The following PRH1 variants were observed in gnomAD, a reference collection of about 807,000 sequenced individuals.
PRH1 encodes proline rich protein HaeIII subfamily 1.
A neutral mutation model predicts 7.9 loss-of-function variants in PRH1; 7 were observed. The ratio of observed to expected loss-of-function variants is 0.89; its 90% confidence interval spans 0.50 to 1.67. The LOEUF (loss-of-function observed/expected upper bound fraction) is 1.67, where lower values mean the gene tolerates loss of function less well. Among genes scored for constraint, PRH1 ranks in the 40% most tolerant of loss-of-function variants. The pLI is 0.00. For missense variants in PRH1, 109 were observed against 223.6 expected, an observed-to-expected ratio of 0.49 and a Z score of 3.27; for synonymous variants, 45 against 80.8, an observed-to-expected ratio of 0.56 and a Z score of 2.38.
At chr12:10,959,036 T>C (rs1159118766) in intron 2 of PRH1, among the ~76,000 whole-genome samples, 1 of 152,194 alleles carries the variant, frequency 6.6e-6, no homozygotes, top group Non-Finnish European at 1.5e-5. Flanking sequence ...TGGCAAGATA[T>C]GCAGCAGTTT....
intron 1 of PRH1, among the ~76,000 whole-genome samples, chr12:10,988,847 C>T (rs1389192027): frequency 1.3e-5 from 2 of 152,086 alleles, no homozygotes; most frequent in South Asian, 4.1e-4. Flanking sequence ...CGCTCTATCA[C>T]CCAGGCAGGA....
chr12:11,161,468 T>C (rs529277653), intron 1 of PRH1, among the ~76,000 whole-genome samples: 1 of 152,272 alleles, frequency 6.6e-6, no homozygotes, highest in African/African-American at 2.4e-5. Flanking sequence ...AAACATTATA[T>C]GCAATAACTT....
At chr12:11,025,346 T>C (rs1446783414) in intron 1 of PRH1, among the ~76,000 whole-genome samples, 3 of 152,268 alleles carry the variant, frequency 2.0e-5, no homozygotes, top group Admixed American at 2.0e-4. Context: ...TCTACTACTC[T>C]TTGGAAACAC....
chr12:11,139,946 A>G (rs1352795997), intron 1 of PRH1, among the ~76,000 whole-genome samples: 1 of 152,052 alleles, frequency 6.6e-6, no homozygotes, highest in African/African-American at 2.4e-5. Flanking sequence ...GTATTTATAT[A>G]ACATATTATT....
intron 1 of PRH1, among the ~76,000 whole-genome samples, chr12:11,014,909 CATCAGG>C (rs1941223175): frequency 1.3e-5 from 2 of 152,036 alleles, no homozygotes; most frequent in African/African-American, 4.8e-5. Flanking sequence ...GTCAGGTGGC[CATCAGG>C]TGATGGCCTG....
At chr12:11,058,661 T>G (rs1388504511) in intron 1 of PRH1, among the ~76,000 whole-genome samples, 2 of 152,268 alleles carry the variant, frequency 1.3e-5, no homozygotes, top group African/African-American at 4.8e-5. Context: ...CTGAGCCAAA[T>G]GATCCAGCAG....
At chr12:10,962,190 T>G (rs150952076) in intron 2 of PRH1, among the ~76,000 whole-genome samples, 1 of 152,168 alleles carries the variant, frequency 6.6e-6, no homozygotes, top group Non-Finnish European at 1.5e-5. Flanking sequence ...TTTTATAATA[T>G]GGCAATTAAA....
downstream of PRH1, among the ~76,000 whole-genome samples, chr12:11,119,795 T>G (rs1184621797): frequency 2.6e-5 from 4 of 152,224 alleles, no homozygotes; most frequent in Non-Finnish European, 5.9e-5. Context: ...AGACTAATAT[T>G]AGATTCAGTG....
At chr12:11,131,327 C>CAA (rs1946333350) in intron 1 of PRH1, among the ~76,000 whole-genome samples, 1 of 151,496 alleles carries the variant, frequency 6.6e-6, no homozygotes, top group African/African-American at 2.4e-5. Context: ...TGGCTGCCAG[C>CAA]AGTCATACCA....
At chr12:11,106,472 C>G (rs1177024361) in intron 1 of PRH1, among the ~76,000 whole-genome samples, 1 of 152,078 alleles carries the variant, frequency 6.6e-6, no homozygotes, top group Non-Finnish European at 1.5e-5. Context: ...AAGTTTTTCT[C>G]TTGAGTTTAC....
At chr12:11,129,308 C>A (rs1308809116) in intron 1 of PRH1, among the ~76,000 whole-genome samples, 1 of 140,092 alleles carries the variant, frequency 7.1e-6, no homozygotes, top group Non-Finnish European at 1.6e-5. Context: ...ATTACCTCTT[C>A]CTGAATTGAA....
chr12:11,153,537 C>T (rs755025258), intron 1 of PRH1, among the ~76,000 whole-genome samples: 2 of 152,070 alleles, frequency 1.3e-5, no homozygotes, highest in Admixed American at 6.6e-5. Flanking sequence ...GCTGGTGCAC[C>T]GTTGCCAGGA....
At chr12:11,121,140 T>C (rs893232553) in exon 2 of PRH1, 4 of 153,036 alleles carry the variant, frequency 2.6e-5, no homozygotes, top group Admixed American at 2.6e-4. Flanking sequence ...CACCTTCTTG[T>C]CACATGTGCC....
intron 1 of PRH1, among the ~76,000 whole-genome samples, chr12:11,140,204 T>C (rs1946664348): frequency 6.6e-6 from 1 of 152,070 alleles, no homozygotes; most frequent in African/African-American, 2.4e-5. Flanking sequence ...CCAAAGGACT[T>C]TGAAAAAATA....
intron 2 of PRH1, among the ~76,000 whole-genome samples, chr12:10,925,972 G>A (rs1166336776): frequency 6.6e-6 from 1 of 152,160 alleles, no homozygotes; most frequent in African/African-American, 2.4e-5. Flanking sequence ...TGATTAAGTG[G>A]AACATAGTAA....
chr12:11,081,152 G>T (rs1204451682), intron 1 of PRH1, among the ~76,000 whole-genome samples: 1 of 123,808 alleles, frequency 8.1e-6, no homozygotes, highest in Non-Finnish European at 1.9e-5. Flanking sequence ...TAGCCTCAAT[G>T]TGTTACCCTC....
intron 1 of PRH1, among the ~76,000 whole-genome samples, chr12:11,006,896 C>A (rs543766023): frequency 6.6e-6 from 1 of 151,560 alleles, no homozygotes; most frequent in African/African-American, 2.4e-5. Flanking sequence ...TCTTGCTATA[C>A]GCTGAAATTT....
At position 10,912,807 on chromosome 12, in the gene PRH1, T is replaced by C. The variant is rs577607797; in HGVS notation, c.-58-28532A>G. Among the ~76,000 whole-genome samples the C allele has an allele frequency of 9.2e-5, 14 of 152,342 alleles. No homozygotes were observed. In the East Asian group the frequency reaches 2.3e-3, roughly 25 times the overall value. ...ATAAAATTTTCTCTGCTAAAATTTA[T>C]GTTATGCATATATGGTCAATTTTGA... On this transcript the variant is annotated intron_variant, in intron 2 of 3. Coordinates refer to the PRH1 transcript ENST00000539853.
At chr12:11,155,423 C>G (rs940866307) in intron 1 of PRH1, among the ~76,000 whole-genome samples, 5 of 152,024 alleles carry the variant, frequency 3.3e-5, no homozygotes, top group African/African-American at 1.2e-4. Context: ...CATTAGAAAC[C>G]AATTAGGTCA....
Sources: allele counts gnomAD v4.1 joint callset (sites outside exome capture counted in the v4.1 genomes callset), GRCh38; gene constraint gnomAD v4.1.1; transcripts MANE v1.5; gene names NCBI Gene and HGNC (gene_info 2026-07-23, HGNC 2026-07-21).